ADARB2: variants seen among roughly 807,000 people sequenced by gnomAD.
ADARB2 encodes adenosine deaminase RNA specific B2 (inactive).
ADARB2 carries 25 observed loss-of-function variants against 62.2 expected under a neutral mutation model. The observed-to-expected ratio is 0.40, with a 90% CI of 0.29 to 0.56. ADARB2 has a LOEUF of 0.56. Ranked by LOEUF, ADARB2 falls within the 20% of genes least tolerant of loss-of-function variation. The pLI is 0.43. For synonymous variants in ADARB2, 572 were observed against 500.8 expected (o/e 1.14, Z -1.90); for missense variants, 1,071 against 1,077.4 (o/e 0.99, Z 0.08).
chr10:1,733,575 T>C (rs1835260920), intron 1 of ADARB2, among the ~76,000 whole-genome samples: 1 of 152,226 alleles, frequency 6.6e-6, no homozygotes, highest in Admixed American at 6.5e-5. Flanking sequence ...GATTTATTTT[T>C]ATATACTCTA....
At chr10:1,611,970 T>A (rs1222731681) in intron 1 of ADARB2, among the ~76,000 whole-genome samples, 1 of 151,954 alleles carries the variant, frequency 6.6e-6, no homozygotes, top group Non-Finnish European at 1.5e-5. Context: ...TTTCACCCCG[T>A]GTGAGCAAGG....
intron 1 of ADARB2, among the ~76,000 whole-genome samples, chr10:1,428,778 G>A (rs1360000377): frequency 6.6e-6 from 1 of 151,816 alleles, no homozygotes; most frequent in Non-Finnish European, 1.5e-5. Flanking sequence ...GGACGTACAA[G>A]CCTCCACCTG....
intron 3 of ADARB2, among the ~76,000 whole-genome samples, chr10:1,302,221 G>C (rs892163796): frequency 6.6e-6 from 1 of 152,210 alleles, no homozygotes; most frequent in Non-Finnish European, 1.5e-5. Context: ...CTTGGGAAGC[G>C]CAAGGGGTCA....
intron 1 of ADARB2, among the ~76,000 whole-genome samples, chr10:1,623,424 G>A (rs1391259936): frequency 6.6e-6 from 1 of 152,178 alleles, no homozygotes; most frequent in Admixed American, 6.5e-5. Context: ...AGCTAGAATG[G>A]CACTTACTTG....
chr10:1,183,292 C>T lies in ADARB2; in HGVS notation c.2121G>A (p.Gln707=). Residue 707 remains glutamine, a synonymous_variant, in exon 10 of 10, where the codon CAG becomes CAA. Coordinates refer to ENST00000381312, the MANE Select transcript of ADARB2 (RefSeq NM_018702.4). ...CCTTGAACAGCTGCTGTTTCACAGA[C>T]TGGTAGGTGTGCGCCCCCAGCTTGG... is the stretch of plus-strand genomic sequence containing the variant. ...CEAKLGAHTY[Q]SVKQQLFKAF... 6.2e-7 allele frequency: 1 copy of T among 1,614,206 alleles called. No individual in the cohort carries two copies. The highest frequency in any genetic ancestry group is 8.5e-7 in the Non-Finnish European group (1 of 1,180,044).
chr10:1,196,770 C>G (rs1836917300), intron 8 of ADARB2, among the ~76,000 whole-genome samples: 1 of 151,922 alleles, frequency 6.6e-6, no homozygotes, highest in South Asian at 2.1e-4. Flanking sequence ...TTCTTTCTTT[C>G]TTTTTTCTTT....
chr10:1,464,412 C>A (rs1267246573), intron 1 of ADARB2, among the ~76,000 whole-genome samples: 2 of 134,830 alleles, frequency 1.5e-5, no homozygotes, highest in Admixed American at 1.5e-4. Context: ...CTCCCCCACA[C>A]ACGCGCGGGG....
intron 4 of ADARB2, among the ~76,000 whole-genome samples, chr10:1,244,611 C>G (rs1830965561): frequency 1.3e-5 from 2 of 152,248 alleles, no homozygotes; most frequent in Admixed American, 6.5e-5. Context: ...CCACCGCCAG[C>G]ACCACGTTCC....
At chr10:1,482,864 T>C (rs989747954) in intron 1 of ADARB2, among the ~76,000 whole-genome samples, 1 of 152,146 alleles carries the variant, frequency 6.6e-6, no homozygotes, top group African/African-American at 2.4e-5. Flanking sequence ...TTGTTCCCTA[T>C]GAATAGCAAG....
chr10:1,223,443 C>G (rs928103317), intron 6 of ADARB2, among the ~76,000 whole-genome samples: 4 of 152,174 alleles, frequency 2.6e-5, no homozygotes, highest in African/African-American at 4.8e-5. Flanking sequence ...GCCAGAACTT[C>G]CAACACTATG....
chr10:1,697,945 G>T (rs1034848759), intron 1 of ADARB2, among the ~76,000 whole-genome samples: 3 of 152,186 alleles, frequency 2.0e-5, no homozygotes, highest in African/African-American at 7.2e-5. Context: ...TGTGAGGAGC[G>T]GTTGGGAATG....
intron 1 of ADARB2, among the ~76,000 whole-genome samples, chr10:1,396,511 G>A (rs375880733): frequency 3.9e-5 from 6 of 152,156 alleles, no homozygotes; most frequent in Non-Finnish European, 2.9e-5. Flanking sequence ...CTCCTGTCCT[G>A]CTCCATTTCC....
intron 1 of ADARB2, among the ~76,000 whole-genome samples, chr10:1,715,487 T>G (rs549447312): frequency 2.4e-4 from 37 of 152,278 alleles, no homozygotes; most frequent in South Asian, 1.9e-3. Flanking sequence ...AAAAAAATTG[T>G]AGATGAAAAT....
intron 3 of ADARB2, among the ~76,000 whole-genome samples, chr10:1,339,549 T>A (rs1197300830): frequency 6.6e-6 from 1 of 152,226 alleles, no homozygotes; most frequent in Non-Finnish European, 1.5e-5. Flanking sequence ...ATAAACAAAA[T>A]CAAACAACAC....
intron 1 of ADARB2, among the ~76,000 whole-genome samples, chr10:1,632,549 G>C (rs1031847801): frequency 7.2e-5 from 11 of 152,196 alleles, no homozygotes; most frequent in African/African-American, 2.7e-4. Flanking sequence ...GCGAGGCTGT[G>C]GGCTGAGTTG....
chr10:1,459,418 T>C (rs1313873288), intron 1 of ADARB2, among the ~76,000 whole-genome samples: 2 of 152,146 alleles, frequency 1.3e-5, no homozygotes, highest in African/African-American at 4.8e-5. Flanking sequence ...CAAATTAACA[T>C]GGGGTCAGAA....
chr10:1,223,342 TAC>T (rs1175153466), intron 6 of ADARB2, among the ~76,000 whole-genome samples: 1 of 152,236 alleles, frequency 6.6e-6, no homozygotes, highest in Admixed American at 6.5e-5. Flanking sequence ...TTTCTAGATA[TAC>T]AGTCATGTCA....
Position 1,540,595 on chromosome 10 carries a change from C to T in ADARB2, c.101-161435G>A. On this transcript the variant is annotated intron_variant, in intron 1 of 9. Coordinates refer to ENST00000381312, the MANE Select transcript of ADARB2 (RefSeq NM_018702.4). ...ATGTAGTTCAGACCCTGGATCCGTC[C>T]AGACCCCACTCAGACGCAGTTCGGA... Among the ~76,000 whole-genome samples, 2 of 81,880 alleles carry T rather than the reference C, an allele frequency of 2.4e-5. 1 individual carries two copies. The highest frequency in any genetic ancestry group is 0.012 in the Middle Eastern group (2 of 168). 53.7% of individuals were successfully genotyped at this position (81,880 alleles called of 152,430 possible). A position where few individuals can be genotyped will look rare whatever the true frequency, so the allele number is the denominator to read the frequency against.
intron 1 of ADARB2, among the ~76,000 whole-genome samples, chr10:1,479,243 C>T (rs140804447): frequency 7.2e-5 from 11 of 152,208 alleles, no homozygotes; most frequent in Admixed American, 2.6e-4. Flanking sequence ...GAGTGAGGAC[C>T]GGGGGTACAG....
Sources: allele counts gnomAD v4.1 joint callset (sites outside exome capture counted in the v4.1 genomes callset), GRCh38; gene constraint gnomAD v4.1.1; transcripts MANE v1.5; gene names NCBI Gene and HGNC (gene_info 2026-07-23, HGNC 2026-07-21).